Variants in CCDC171 observed in about 807,000 individuals in gnomAD.
The protein encoded by CCDC171 is coiled-coil domain-containing protein 171.
In CCDC171, 177 loss-of-function variants were observed where a neutral mutation model predicts 168.2. That is an observed-to-expected ratio of 1.05 (90% CI 0.93 to 1.19). The LOEUF is 1.19. Ranked by LOEUF, CCDC171 falls within the 50% of genes most tolerant of loss-of-function variation. CCDC171 has a pLI of 0.00. For missense variants in CCDC171, 1,991 were observed against 1,539.0 expected (o/e 1.29, Z -4.91); for synonymous variants, 687 against 540.8 (o/e 1.27, Z -3.75).
chr9:15,912,497 G>A (rs1225149797), intron 24 of CCDC171, among the ~76,000 whole-genome samples: 1 of 152,164 alleles, frequency 6.6e-6, no homozygotes, highest in African/African-American at 2.4e-5. Context: ...TCTGCAAACA[G>A]AGGTAATTGA....
chr9:15,935,565 G>A (rs1348684377), intron 25 of CCDC171, among the ~76,000 whole-genome samples: 1 of 151,926 alleles, frequency 6.6e-6, no homozygotes, highest in African/African-American at 2.4e-5. Context: ...ATTATATGTT[G>A]AATTTGGTTA....
intron 6 of CCDC171, among the ~76,000 whole-genome samples, chr9:15,598,253 T>G (rs1185690553): frequency 3.3e-5 from 5 of 152,170 alleles, no homozygotes; most frequent in Non-Finnish European, 7.3e-5. Flanking sequence ...GGTGTCAATT[T>G]TAGATCTTTC....
At chr9:16,100,457 G>T in the CCDC171 span, among the ~76,000 whole-genome samples, 4 of 152,230 alleles carry the variant, frequency 2.6e-5, no homozygotes, top group East Asian at 5.8e-4. Context: ...CCTGAGAAAG[G>T]CCTGTGGGAT....
At chr9:15,694,781 C>T (rs532020103) in intron 10 of CCDC171, among the ~76,000 whole-genome samples, 58 of 152,312 alleles carry the variant, frequency 3.8e-4, no homozygotes, top group South Asian at 1.2e-3. Context: ...TGTCAATACC[C>T]TAGACCAAAG....
At chr9:15,990,956 G>C (rs1832173349) in intron 3 of CCDC171, among the ~76,000 whole-genome samples, 1 of 152,120 alleles carries the variant, frequency 6.6e-6, no homozygotes, top group Admixed American at 6.5e-5. Context: ...AAGAGACTTA[G>C]ACTCCCACAC....
At chr9:15,704,213 C>G (rs10810430) in intron 11 of CCDC171, among the ~76,000 whole-genome samples, 69,230 of 152,038 alleles carry the variant, frequency 0.46, 16,103 homozygotes, top group Non-Finnish European at 0.51. Flanking sequence ...GTAGCACATT[C>G]TTAGAATTTG....
At chr9:15,734,038 G>T (rs1378201432) in intron 16 of CCDC171, among the ~76,000 whole-genome samples, 1 of 152,096 alleles carries the variant, frequency 6.6e-6, no homozygotes, top group Non-Finnish European at 1.5e-5. Flanking sequence ...GTCTCCCTAA[G>T]TGTTGTGATT....
the CCDC171 span, among the ~76,000 whole-genome samples, chr9:16,075,013 G>A: frequency 5.3e-5 from 8 of 152,174 alleles, no homozygotes; most frequent in Non-Finnish European, 8.8e-5. Flanking sequence ...TATACATGCT[G>A]AGTCTGTATT....
intron 13 of CCDC171, among the ~76,000 whole-genome samples, 175 bp from the exon 14 acceptor site, chr9:15,724,601 T>C (rs1046213651): frequency 1.3e-5 from 2 of 152,220 alleles, no homozygotes; most frequent in Non-Finnish European, 2.9e-5. Context: ...AGCTGAGATA[T>C]TATATTTAGA....
intron 3 of CCDC171, among the ~76,000 whole-genome samples, chr9:15,981,837 T>C (rs918465015): frequency 2.0e-5 from 3 of 152,150 alleles, no homozygotes; most frequent in African/African-American, 7.2e-5. Flanking sequence ...ATTAAATGGC[T>C]AGGGTTATTT....
At chr9:15,919,403 C>T (rs897008631) in intron 24 of CCDC171, among the ~76,000 whole-genome samples, 2 of 151,590 alleles carry the variant, frequency 1.3e-5, no homozygotes, top group Non-Finnish European at 3.0e-5. Flanking sequence ...ATGTAATTTG[C>T]AAATTCTCAG....
chr9:16,102,884 C>T, the CCDC171 span, among the ~76,000 whole-genome samples: 1 of 152,146 alleles, frequency 6.6e-6, no homozygotes, highest in South Asian at 2.1e-4. Flanking sequence ...ACAAATGGAC[C>T]TCTTTAGCAA....
chr9:15,939,367 A>G (rs1036943255), intron 25 of CCDC171, among the ~76,000 whole-genome samples: 1 of 151,840 alleles, frequency 6.6e-6, no homozygotes, highest in African/African-American at 2.4e-5. Flanking sequence ...AAAAAAGAAA[A>G]GAAAACCCTG....
chr9:15,995,904 C>A (rs1487756148), intron 3 of CCDC171, among the ~76,000 whole-genome samples: 5 of 152,126 alleles, frequency 3.3e-5, no homozygotes, highest in African/African-American at 7.2e-5. Flanking sequence ...AATACACAAT[C>A]CAGATCTTCA....
intron 1 of CCDC171, among the ~76,000 whole-genome samples, chr9:16,043,317 A>G (rs906023873): frequency 5.9e-5 from 9 of 152,122 alleles, no homozygotes; most frequent in African/African-American, 2.2e-4. Flanking sequence ...TTGTTCTTAT[A>G]TCTTGGATGA....
the CCDC171 span, among the ~76,000 whole-genome samples, chr9:16,096,668 G>A: frequency 1.3e-5 from 2 of 152,178 alleles, no homozygotes; most frequent in African/African-American, 4.8e-5. Flanking sequence ...TGAGGCTACT[G>A]CCTCTGTTCA....
intron 21 of CCDC171, among the ~76,000 whole-genome samples, chr9:15,832,379 C>G (rs1029413464): frequency 2.0e-5 from 3 of 152,130 alleles, no homozygotes; most frequent in Non-Finnish European, 4.4e-5. Flanking sequence ...ATGTGTCAGA[C>G]AATTTTGTTG....
chr9:16,097,959 T>C, the CCDC171 span, among the ~76,000 whole-genome samples: 1 of 152,178 alleles, frequency 6.6e-6, no homozygotes, highest in Non-Finnish European at 1.5e-5. Context: ...GTCAGCTTCA[T>C]GTTAGGAAAT....
chr9:15,678,927 T>C (rs371974266), intron 10 of CCDC171, 31 bp downstream of exon 10: 68 of 1,516,098 alleles, frequency 4.5e-5, no homozygotes, highest in Non-Finnish European at 5.7e-5. Context: ...CCTATGGAAA[T>C]CACTTTATTA....
Sources: allele counts gnomAD v4.1 joint callset (sites outside exome capture counted in the v4.1 genomes callset), GRCh38; gene constraint gnomAD v4.1.1; transcripts MANE v1.5; gene names NCBI Gene and HGNC (gene_info 2026-07-23, HGNC 2026-07-21).